Variants in MORC1 observed in about 807,000 individuals in gnomAD.
The protein encoded by MORC1 is MORC family CW-type zinc finger protein 1.
Under a neutral mutation model 134.9 loss-of-function variants are expected in MORC1, and 59 were observed. That is an observed-to-expected ratio of 0.44 (90% CI 0.35 to 0.54). The LOEUF (loss-of-function observed/expected upper bound fraction) is 0.54, where lower values mean the gene tolerates loss of function less well. Ranked by LOEUF, MORC1 falls within the 20% of genes least tolerant of loss-of-function variation. The pLI is 0.00. For synonymous variants in MORC1, 395 were observed against 391.7 expected (o/e 1.01, Z -0.10); for missense variants, 947 against 1,134.5 (o/e 0.83, Z 2.37).
rs372657142 is a variant in MORC1 at position 108,992,033 on chromosome 3, AT to A, written c.2188-5085del. Among the ~76,000 whole-genome samples, 22 of 152,130 alleles carry A rather than the reference AT, an allele frequency of 1.4e-4. No homozygotes were observed. The East Asian group carries it at 3.9e-3, about 27-fold the overall frequency. The stretch of plus-strand genomic sequence containing the variant: ...CCAAGCCATTATCCCAATCTGATTA[AT>A]TTTTTTAAACAAAATATCCATGATT... On this transcript the variant is annotated intron_variant, in intron 21 of 27. Coordinates refer to ENST00000232603, the MANE Select transcript of MORC1 (RefSeq NM_014429.4).
At chr3:108,989,723 C>G (rs892816672) in intron 21 of MORC1, among the ~76,000 whole-genome samples, 2 of 152,128 alleles carry the variant, frequency 1.3e-5, no homozygotes, top group South Asian at 2.1e-4. Context: ...ACCTTTCTGC[C>G]AACTTCAAAG....
intron 3 of MORC1, among the ~76,000 whole-genome samples, chr3:109,107,546 C>T (rs1459541743): frequency 1.3e-5 from 2 of 152,142 alleles, no homozygotes; most frequent in South Asian, 2.1e-4. Flanking sequence ...TACACACAAA[C>T]GTATAAAACA....
At position 109,071,556 on chromosome 3, in the gene MORC1, A is replaced by G. The variant is rs542825953; in HGVS notation, c.690-1799T>C. On this transcript the variant is annotated intron_variant, in intron 8 of 27. Transcript: ENST00000232603. ...TCACAGTGCTGCAGTGAGGACACAC[A>G]GTGGCTGACAAGGGAAAAAAAATAG... Among the ~76,000 whole-genome samples, 6 of 152,270 alleles carry G rather than the reference A, an allele frequency of 3.9e-5. No homozygotes were observed. In the East Asian group the frequency reaches 1.2e-3, roughly 29 times the overall value.
chr3:109,010,429 T>C (rs1296781814), intron 17 of MORC1, among the ~76,000 whole-genome samples: 1 of 152,222 alleles, frequency 6.6e-6, no homozygotes, highest in African/African-American at 2.4e-5. Flanking sequence ...ATAAAAATGA[T>C]TTTTTTCATT....
intron 15 of MORC1, among the ~76,000 whole-genome samples, chr3:109,033,506 C>A (rs1949294420): frequency 6.6e-6 from 1 of 152,132 alleles, no homozygotes. Context: ...GCTACACTTA[C>A]ATTTAATCCT....
chr3:108,963,380 A>G (rs1295637501), intron 27 of MORC1, 34 bp downstream of exon 27: 1 of 1,560,694 alleles, frequency 6.4e-7, no homozygotes, highest in Non-Finnish European at 8.8e-7. Flanking sequence ...CATAGAGTCT[A>G]CTCCTACTGC....
At chr3:108,997,450 G>A (rs1349892426) in intron 21 of MORC1, among the ~76,000 whole-genome samples, 1 of 152,140 alleles carries the variant, frequency 6.6e-6, no homozygotes, top group African/African-American at 2.4e-5. Context: ...ATCGCTTACA[G>A]TGAGTGGAGA....
chr3:108,979,661 G>A lies in MORC1; in HGVS notation c.2331C>T (p.Leu777=), dbSNP rs1444773964. Residue 777 remains leucine (L), a synonymous_variant, in exon 24 of 28, where the codon CTC becomes CTT. Coordinates refer to ENST00000232603, the MANE Select transcript of MORC1 (RefSeq NM_014429.4). ...GATTCACATCTTCCATCGGCACATT[G>A]AGCAAGCTGAGGTTTGTCATTTCAA... The part of the protein sequence containing the change: ...SSSLPSWKSL[L]NVPMEDVNLS... 6.2e-7 allele frequency: 1 copy of A among 1,613,462 alleles called. No individual in the cohort carries two copies. The highest frequency in any genetic ancestry group is 2.2e-5 in the East Asian group (1 of 44,852).
At chr3:109,089,066 G>C (rs1388515046) in intron 8 of MORC1, among the ~76,000 whole-genome samples, 1 of 152,084 alleles carries the variant, frequency 6.6e-6, no homozygotes. Context: ...TCTTGAGCAT[G>C]GAGGGTGGGA....
At chr3:109,097,700 G>A (rs1348484272) in intron 6 of MORC1, among the ~76,000 whole-genome samples, 1 of 152,132 alleles carries the variant, frequency 6.6e-6, no homozygotes, top group African/African-American at 2.4e-5. Context: ...CACGAACACA[G>A]AAAACCAAGC....
At chr3:108,987,375 T>C (rs1219100018) in intron 21 of MORC1, among the ~76,000 whole-genome samples, 1 of 152,160 alleles carries the variant, frequency 6.6e-6, no homozygotes, top group Non-Finnish European at 1.5e-5. Flanking sequence ...GAGCTCAGCA[T>C]CCCTGCAATG....
At chr3:108,972,130 C>T (rs1947400174) in intron 24 of MORC1, among the ~76,000 whole-genome samples, 1 of 152,158 alleles carries the variant, frequency 6.6e-6, no homozygotes, top group Non-Finnish European at 1.5e-5. Flanking sequence ...ACAGTGGTGG[C>T]CATTGTTCTG....
rs1295010322 is a variant in MORC1, at chr3:109,044,028, CA to C, written c.1331-8561del. On this transcript the variant is annotated intron_variant, in intron 14 of 27. Coordinates refer to ENST00000232603, the MANE Select transcript of MORC1 (RefSeq NM_014429.4). The stretch of plus-strand genomic sequence containing the variant: ...TGGCTGAAAGCACACAGCTAATTTT[CA>C]AAATTATAAAAGAGTACATATCTTA... Among the ~76,000 whole-genome samples the C allele has an allele frequency of 3.3e-5, 5 of 152,054 alleles. No individual in the cohort carries two copies. The East Asian group carries it at 9.6e-4, about 29-fold the overall frequency.
rs372136192 is a variant in MORC1, at chr3:109,066,276, TTC to T, written c.816-3047_816-3046del. ...TGTAAGCTCCATGAGAGCAGGAATT[TTC>T]TCTTTTTTTCTTTTTTTTTTTTTCT... On this transcript the variant is annotated intron_variant, in intron 9 of 27. Transcript: ENST00000232603. Among the ~76,000 whole-genome samples, 770 of 151,864 alleles carry T rather than the reference TTC, an allele frequency of 5.1e-3. 18 individuals are homozygous for T. The highest frequency in any genetic ancestry group is 0.018 in the African/African-American group (738 of 41,282).
At chr3:109,047,922 C>T (rs540926152) in intron 14 of MORC1, among the ~76,000 whole-genome samples, 7 of 152,292 alleles carry the variant, frequency 4.6e-5, no homozygotes, top group Middle Eastern at 3.4e-3. Flanking sequence ...TTGATCATGA[C>T]TGCTAATATC....
At chr3:109,077,011 T>C (rs1467191965) in intron 8 of MORC1, among the ~76,000 whole-genome samples, 2 of 148,132 alleles carry the variant, frequency 1.4e-5, no homozygotes, top group Non-Finnish European at 3.0e-5. Flanking sequence ...ATCCTGAAAG[T>C]TCTCCAGAGG....
intron 13 of MORC1, among the ~76,000 whole-genome samples, chr3:109,055,138 G>A (rs747006101): frequency 1.9e-4 from 29 of 152,160 alleles, no homozygotes; most frequent in Non-Finnish European, 3.5e-4. Context: ...CAAATCTATC[G>A]CCTTACGTGG....
intron 26 of MORC1, among the ~76,000 whole-genome samples, chr3:108,967,238 T>G (rs994878694): frequency 6.6e-6 from 1 of 152,190 alleles, no homozygotes; most frequent in African/African-American, 2.4e-5. Flanking sequence ...TCACTCTGGC[T>G]CCATTACTAA....
chr3:108,979,454 AGTT>A (rs756287868), intron 24 of MORC1, 58 bp downstream of exon 24: 627 of 1,551,630 alleles, frequency 4.0e-4, no homozygotes, highest in Non-Finnish European at 5.2e-4. Context: ...AAACAACAGG[AGTT>A]GTCACTGCTT....
Sources: gnomAD v4.1 joint callset for allele counts (sites outside exome capture counted in the v4.1 genomes callset) on GRCh38, gnomAD v4.1.1 for gene constraint, MANE v1.5 for transcripts, NCBI Gene and HGNC (gene_info 2026-07-23, HGNC 2026-07-21) for gene names.